Variants in OFD1 observed in about 807,000 individuals in gnomAD.
OFD1 encodes OFD1 centriole and centriolar satellite protein.
Under a neutral mutation model 81.4 loss-of-function variants are expected in OFD1, and 12 were observed. That is an observed-to-expected ratio of 0.15 (90% CI 0.09 to 0.24). The LOEUF is 0.24. Among genes scored for constraint, OFD1 ranks in the 10% least tolerant of loss-of-function variants. The pLI, the probability that OFD1 is intolerant of heterozygous loss-of-function variation, is 1.00. For missense variants in OFD1, 685 were observed against 733.9 expected (o/e 0.93, Z 0.77); for synonymous variants, 256 against 263.7 (o/e 0.97, Z 0.28).
chrX:13,718,613 T>C, the OFD1 span, among the ~76,000 whole-genome samples: 1 of 112,277 alleles, frequency 8.9e-6, no homozygotes, highest in Non-Finnish European at 1.9e-5. Context: ...AGTGTTCTCA[T>C]AATATGAGAA....
At chrX:13,741,499 T>C (rs144254242) in intron 5 of OFD1, among the ~76,000 whole-genome samples, 127 of 112,130 alleles carry the variant, frequency 1.1e-3, no homozygotes, top group African/African-American at 4.0e-3. Flanking sequence ...ATGGCCTTGG[T>C]ACTTTTCCTC....
chrX:13,725,102 C>T, the OFD1 span, among the ~76,000 whole-genome samples: 1 of 113,014 alleles, frequency 8.8e-6, no homozygotes, highest in South Asian at 3.6e-4. Context: ...CCAGGAAGCT[C>T]GAACTGGGCA....
the OFD1 span, chrX:13,721,343 T>TA: frequency 2.7e-5 from 3 of 112,332 alleles, no homozygotes; most frequent in Admixed American, 2.8e-4. Flanking sequence ...ATGGTGCACT[T>TA]ATGAGGATCA....
chrX:13,773,535 A>G (rs13187), downstream of OFD1: 3 of 111,935 alleles, frequency 2.7e-5, no homozygotes, highest in South Asian at 3.7e-4. Context: ...GAATGTCAAA[A>G]CCAAAATTAA....
intron 14 of OFD1, 33 bp from the exon 15 acceptor site, chrX:13,758,304 A>G (rs752641395): frequency 2.0e-6 from 2 of 977,832 alleles, no homozygotes; most frequent in Non-Finnish European, 1.5e-6. Flanking sequence ...TTTGTTTTAC[A>G]TTGATTTCTT....
chrX:13,770,850 A>G (rs1287485437), downstream of OFD1, among the ~76,000 whole-genome samples: 2 of 112,418 alleles, frequency 1.8e-5, no homozygotes, highest in Non-Finnish European at 3.8e-5. Flanking sequence ...TTCCATACCA[A>G]TGTGAAATCT....
At chrX:13,722,208 C>CCAAAAA in the OFD1 span, 4 of 36,118 alleles carry the variant, frequency 1.1e-4, no homozygotes, top group Admixed American at 5.4e-4. Flanking sequence ...TAAGCAGCAG[C>CCAAAAA]AAAAAAAAAA....
intron 10 of OFD1, among the ~76,000 whole-genome samples, chrX:13,752,211 CTT>C (rs1323270769): frequency 8.9e-6 from 1 of 112,289 alleles, no homozygotes; most frequent in Non-Finnish European, 1.9e-5. Flanking sequence ...ACTATGGTAA[CTT>C]TGGCTTTTCT....
upstream of OFD1, chrX:13,734,680 C>A: frequency 2.1e-6 from 2 of 942,229 alleles, no homozygotes; most frequent in Non-Finnish European, 2.6e-6. Flanking sequence ...TGCTGGGCAA[C>A]CAAGCTCATG....
chrX:13,769,147 G>A lies in OFD1; in HGVS notation c.*39G>A. The A allele has an allele frequency of 9.6e-7, 1 of 1,046,168 alleles. No individual in the cohort carries two copies. The highest frequency in any genetic ancestry group is 1.3e-6 in the Non-Finnish European group (1 of 744,955). 86.2% of individuals were successfully genotyped at this position (1,046,168 alleles called of 1,213,427 possible). A position where few individuals can be genotyped will look rare whatever the true frequency, so the allele number is the denominator to read the frequency against. On this transcript the variant is annotated 3_prime_UTR_variant, in exon 23 of 23. Transcript: ENST00000340096. ...CCAGCTTCTAACTTACATACCGTGA[G>A]AAGTTACGTAACATTTACTCCTTTG...
chrX:13,741,434 C>G (rs1268525873), intron 5 of OFD1, among the ~76,000 whole-genome samples: 8 of 112,164 alleles, frequency 7.1e-5, no homozygotes. Flanking sequence ...TCCCCTGACT[C>G]AGACCTATGG....
chrX:13,752,819 A>G, intron 10 of OFD1: 1 of 969,192 alleles, frequency 1.0e-6, no homozygotes, highest in Non-Finnish European at 1.3e-6. Context: ...TTTGGAACCA[A>G]AAGGGCAGCT....
At chrX:13,761,343 A>G in intron 17 of OFD1, 132 bp downstream of exon 17, 1 of 674,253 alleles carries the variant, frequency 1.5e-6, no homozygotes, top group South Asian at 2.6e-5. Context: ...TAGAATTTGC[A>G]ATCAGATTGC....
chrX:13,756,224 G>A (rs758348421), intron 12 of OFD1, among the ~76,000 whole-genome samples: 4 of 111,219 alleles, frequency 3.6e-5, no homozygotes, highest in Admixed American at 9.6e-5. Context: ...AAAGTGCTGC[G>A]ATTACGGGCG....
chrX:13,752,785 G>C, intron 10 of OFD1: 2 of 971,208 alleles, frequency 2.1e-6, no homozygotes, highest in Non-Finnish European at 2.6e-6. Flanking sequence ...GAGGCTCTTC[G>C]CCACAGGAGT....
intron 5 of OFD1, among the ~76,000 whole-genome samples, chrX:13,741,373 TTAAG>T (rs2047094782): frequency 2.7e-5 from 3 of 111,998 alleles, no homozygotes; most frequent in Non-Finnish European, 3.8e-5. Context: ...TGTCTTCTAA[TTAAG>T]TAACAGAAAA....
Position 13,755,040 on chromosome X carries a change from G to A in OFD1, c.1130-111G>A. Reference sequence around the variant, plus strand: ...TACTTGCCCGCTACATCTGCTATTTGGATTGTGAAATAGTGGTCATTAGGT... The same window carrying A: ...TACTTGCCCGCTACATCTGCTATTTAGATTGTGAAATAGTGGTCATTAGGT... On this transcript the variant is annotated intron_variant, in intron 11 of 22. Transcript: ENST00000340096. 3 of 564,497 alleles carry A rather than the reference G, an allele frequency of 5.3e-6. No individual in the cohort carries two copies. In the Admixed American group the frequency reaches 7.3e-5, roughly 14 times the overall value. 46.5% of individuals were successfully genotyped at this position (564,497 alleles called of 1,213,427 possible). A position where few individuals can be genotyped will look rare whatever the true frequency, so the allele number is the denominator to read the frequency against.
the OFD1 span, chrX:13,720,125 A>C: frequency 2.8e-6 from 1 of 363,412 alleles, no homozygotes; most frequent in Non-Finnish European, 4.6e-6. Flanking sequence ...TTTCCAGTAT[A>C]CTAGCGAAGA....
chrX:13,760,052 C>T (rs2147046562), intron 15 of OFD1, 63 bp from the exon 16 acceptor site: 1 of 1,184,158 alleles, frequency 8.4e-7, no homozygotes, highest in Non-Finnish European at 1.1e-6. Flanking sequence ...ATAATATTCT[C>T]AAGTATATTT....
Sources: gnomAD v4.1 joint callset for allele counts (sites outside exome capture counted in the v4.1 genomes callset) on GRCh38, gnomAD v4.1.1 for gene constraint, MANE v1.5 for transcripts, NCBI Gene and HGNC (gene_info 2026-07-23, HGNC 2026-07-21) for gene names.